The following C17orf99 variants were observed in gnomAD, a reference collection of about 807,000 sequenced individuals.
C17orf99 encodes protein IL-40.
Under a neutral mutation model 22.6 loss-of-function variants are expected in C17orf99, and 18 were observed. The ratio of observed to expected loss-of-function variants is 0.80; its 90% CI spans 0.55 to 1.18. The LOEUF is 1.18. Ranked by LOEUF, C17orf99 falls within the 50% of genes most tolerant of loss-of-function variation. The pLI is 0.00. For missense variants in C17orf99, 328 were observed against 342.7 expected (o/e 0.96, Z 0.34); for synonymous variants, 147 against 136.6 (o/e 1.08, Z -0.53).
Position 78,166,027 on chromosome 17 carries a change from G to T in C17orf99, c.779G>T (p.Arg260Leu). 2.9e-6 allele frequency: 4 copies of T among 1,393,820 alleles called. No homozygotes were observed. Among genetic ancestry groups the T allele is most frequent in the Non-Finnish European group, 3.8e-6 (4 of 1,046,598 alleles). 86.3% of individuals were successfully genotyped at this position (1,393,820 alleles called of 1,614,324 possible). Residue 260 changes from arginine to leucine, a missense_variant, in exon 5 of 5, where the codon CGC becomes CTC. Arg to Leu is a moderately radical substitution (Grantham distance 102, BLOSUM62 -2). Coordinates refer to ENST00000340363, the MANE Select transcript of C17orf99 (RefSeq NM_001163075.2). Reference sequence around the variant, plus strand: ...ATAGGGAATGGGGAGGTCAGAGGACGCAAAGCAGCAGCCATGTAGAATGAA... The same window carrying T: ...ATAGGGAATGGGGAGGTCAGAGGACTCAAAGCAGCAGCCATGTAGAATGAA... ...FRIGNGEVRG[R>L]KAAAM
chr17:78,162,057 CTTGAGCTCAGGAGT>C (rs979582615), intron 3 of C17orf99, among the ~76,000 whole-genome samples: 14 of 151,796 alleles, frequency 9.2e-5, no homozygotes, highest in African/African-American at 3.4e-4. Flanking sequence ...GGGAGGATCA[CTTGAGCTCAGGAGT>C]TTGAGACCAG....
chr17:78,146,224 A>G (rs948518741), upstream of C17orf99: 1 of 560,260 alleles, frequency 1.8e-6, no homozygotes, highest in Admixed American at 3.1e-5. The surrounding 1 kb of genome is among the most constrained non-coding windows in gnomAD (Gnocchi z 5.2). Context: ...AGTTTGCTGT[A>G]CCGGGCCTGC....
At chr17:78,165,683 TC>T in intron 4 of C17orf99, 1 of 912,810 alleles carries the variant, frequency 1.1e-6, no homozygotes, top group Non-Finnish European at 1.4e-6. Context: ...GCACCTGTAG[TC>T]CCAGCTACTC....
rs553827043 is a variant in C17orf99 at position 78,146,986 on chromosome 17, C to T, written c.70+75C>T. ...GTGTCAGAACCCCCATGGTGGAGGG[C>T]GCCTCGGCTGGGAAGGGAGTTACTA... On this transcript the variant is annotated intron_variant, in intron 2 of 4. Coordinates refer to ENST00000340363, the MANE Select transcript of C17orf99 (RefSeq NM_001163075.2). This position sits in a 1 kb window ranked among gnomAD's most constrained non-coding sequence, Gnocchi z 5.2. 1.7e-4 allele frequency: 227 copies of T among 1,362,460 alleles called. No individual in the cohort carries two copies. The highest frequency in any genetic ancestry group is 7.4e-4 in the Middle Eastern group (4 of 5,370). 84.4% of individuals were successfully genotyped at this position (1,362,460 alleles called of 1,614,324 possible).
At chr17:78,155,132 T>TGTTG (rs373824434) in intron 2 of C17orf99, among the ~76,000 whole-genome samples, 17,110 of 114,952 alleles carry the variant, frequency 0.15, 1,184 homozygotes, top group Middle Eastern at 0.36. Flanking sequence ...CTATTTTTTT[T>TGTTG]TTTTTTTTTT....
At chr17:78,157,155 C>T (rs1334907422) in intron 2 of C17orf99, among the ~76,000 whole-genome samples, 2 of 151,446 alleles carry the variant, frequency 1.3e-5, no homozygotes, top group African/African-American at 4.9e-5. Flanking sequence ...CATAGTGAAA[C>T]TCCGTCTCTA....
chr17:78,158,209 G>T, intron 2 of C17orf99: 1 of 664,188 alleles, frequency 1.5e-6, no homozygotes, highest in Non-Finnish European at 2.8e-6. Context: ...CCAGGGTGGC[G>T]GTGGTGGCAG....
Position 78,164,521 on chromosome 17 carries a change from C to A in C17orf99, c.640+157C>A, listed in dbSNP as rs559510399. On this transcript the variant is annotated intron_variant, in intron 4 of 4. Coordinates refer to ENST00000340363, the MANE Select transcript of C17orf99 (RefSeq NM_001163075.2). ...GGAGGCAACCATGCCCACCCTGGCC[C>A]CTGCCTAAAGGAAGCCCAACCCAGC... is the stretch of plus-strand genomic sequence containing the variant. The A allele has an allele frequency of 1.4e-5, 22 of 1,536,756 alleles. No individual in the cohort carries two copies. The African/African-American group carries it at 2.7e-4, about 19-fold the overall frequency.
upstream of C17orf99, chr17:78,146,348 G>A: frequency 6.7e-7 from 1 of 1,495,728 alleles, no homozygotes; most frequent in Non-Finnish European, 9.1e-7. The surrounding 1 kb of genome is among the most constrained non-coding windows in gnomAD (Gnocchi z 5.2). Context: ...CTCAGGGTGG[G>A]GGAGGCCAGG....
At chr17:78,146,131 C>T (rs1338153698), upstream of C17orf99, among the ~76,000 whole-genome samples, 1 of 152,144 alleles carries the variant, frequency 6.6e-6, no homozygotes, top group African/African-American at 2.4e-5. This position sits in a 1 kb window ranked among gnomAD's most constrained non-coding sequence, Gnocchi z 5.2. Context: ...CGGGATCCTG[C>T]GGCTCAGAGG....
At chr17:78,149,370 TC>T (rs2075461446) in intron 2 of C17orf99, among the ~76,000 whole-genome samples, 1 of 132,390 alleles carries the variant, frequency 7.6e-6, no homozygotes, top group Non-Finnish European at 1.6e-5. Flanking sequence ...AAGGCGCCAG[TC>T]CTTGGCCCAT....
intron 4 of C17orf99, 162 bp from the exon 5 acceptor site, chr17:78,165,727 A>G (rs111522426): frequency 0.091 from 99,864 of 1,096,632 alleles, 7,542 homozygotes; most frequent in East Asian, 0.43. Flanking sequence ...ACTTGAACCC[A>G]GGAGGTGGAG....
chr17:78,160,290 C>T (rs1320520642), intron 2 of C17orf99, among the ~76,000 whole-genome samples: 1 of 152,118 alleles, frequency 6.6e-6, no homozygotes, highest in African/African-American at 2.4e-5. Context: ...GTAATCCCAG[C>T]ACTTTGGGAG....
chr17:78,163,998 A>C, intron 3 of C17orf99, 97 bp from the exon 4 acceptor site: 1 of 1,102,962 alleles, frequency 9.1e-7, no homozygotes, highest in South Asian at 1.3e-5. Context: ...AGCCACAGCT[A>C]AGCTCATTAG....
chr17:78,159,585 C>G (rs928971257), intron 2 of C17orf99, among the ~76,000 whole-genome samples: 4 of 102,400 alleles, frequency 3.9e-5, no homozygotes, highest in African/African-American at 1.7e-4. Flanking sequence ...GTGCAAGACT[C>G]TGTCTCAAAA....
chr17:78,164,180 G>A lies in C17orf99; in HGVS notation c.456G>A (p.Ser152=), dbSNP rs372553393. 1.1e-4 allele frequency: 164 copies of A among 1,551,584 alleles called. No homozygotes were observed. Among genetic ancestry groups the A allele is most frequent in the African/African-American group, 5.7e-4 (42 of 73,178 alleles). The change falls in exon 4 of 5, where the codon TCG becomes TCA. Residue 152 remains serine, a synonymous_variant. Transcript: ENST00000340363. Reference sequence around the variant, plus strand: ...TGGAGATGATCTGCCAGGCGTCCTCGGGCAGCCCACCTATCACCAACAGCC... The same window carrying A: ...TGGAGATGATCTGCCAGGCGTCCTCAGGCAGCCCACCTATCACCAACAGCC... ...PRVEMICQAS[S]GSPPITNSLI...
chr17:78,157,923 G>A, intron 2 of C17orf99: 1 of 1,153,314 alleles, frequency 8.7e-7, no homozygotes. Flanking sequence ...CACCTGGTTG[G>A]TACTGACATC....
At chr17:78,160,892 C>A (rs1407414484) in intron 2 of C17orf99, 63 bp from the exon 3 acceptor site, 6 of 1,401,404 alleles carry the variant, frequency 4.3e-6, no homozygotes, top group Non-Finnish European at 5.8e-6. Flanking sequence ...AAACCAGTAC[C>A]TTCTTAAGGT....
chr17:78,145,589 C>G (rs975550945), upstream of C17orf99, among the ~76,000 whole-genome samples: 2 of 152,108 alleles, frequency 1.3e-5, no homozygotes, highest in African/African-American at 4.8e-5. Context: ...CTTGGCCTCC[C>G]GGCTGTGAAC....
Sources: gnomAD v4.1 joint callset for allele counts (sites outside exome capture counted in the v4.1 genomes callset) on GRCh38, gnomAD v4.1.1 for gene constraint, Gnocchi (gnomAD v3.1) non-coding constraint, MANE v1.5 for transcripts, NCBI Gene and HGNC (gene_info 2026-07-23, HGNC 2026-07-21) for gene names.